Variants in SGCD observed in about 807,000 individuals in gnomAD.
The protein encoded by SGCD is delta-sarcoglycan.
In SGCD, 18 loss-of-function variants were observed where a neutral mutation model predicts 36.6. The observed-to-expected ratio is 0.49, with a 90% CI of 0.34 to 0.73. SGCD has a LOEUF of 0.73. SGCD is among the 30% of genes least tolerant of loss of function. The pLI is 0.01. For synonymous variants in SGCD, 133 were observed against 130.6 expected, an observed-to-expected ratio of 1.02 and a Z score of -0.12; for missense variants, 387 against 346.7, an observed-to-expected ratio of 1.12 and a Z score of -0.92.
At chr5:156,165,838 A>G (rs1000736449) in intron 3 of SGCD, among the ~76,000 whole-genome samples, 4 of 152,206 alleles carry the variant, frequency 2.6e-5, no homozygotes, top group Non-Finnish European at 4.4e-5. Flanking sequence ...AAATTTAGTG[A>G]TATATATTCT....
the SGCD span, among the ~76,000 whole-genome samples, chr5:155,773,327 C>T: frequency 2.0e-5 from 3 of 152,142 alleles, no homozygotes; most frequent in African/African-American, 7.2e-5. Context: ...GAGTAACCTG[C>T]ATTTTAGTTA....
At chr5:156,716,331 G>A (rs1002741758) in intron 7 of SGCD, among the ~76,000 whole-genome samples, 49 of 152,176 alleles carry the variant, frequency 3.2e-4, no homozygotes, top group African/African-American at 1.2e-3. Context: ...TTATGGATGA[G>A]GAACTGAGGC....
chr5:155,731,761 A>G, the SGCD span, among the ~76,000 whole-genome samples: 6 of 152,172 alleles, frequency 3.9e-5, no homozygotes, highest in African/African-American at 1.4e-4. Context: ...CTTCCGAGAA[A>G]TACAGACTAC....
Position 156,567,377 on chromosome 5 carries a change from A to AATAAATAGATAG in SGCD, c.295-21851_295-21850insAATAGATAGATA, listed in dbSNP as rs1292170277. ...GGAGGGAGGGAGGGATGGATAGATAAATAGATAGATAGATAGATAGATAGA... is the reference window on the plus strand; with the variant it reads ...GGAGGGAGGGAGGGATGGATAGATAAATAAATAGATAGATAGATAGATAGATAGATAGATAGA... On this transcript the variant is annotated intron_variant, in intron 4 of 8. Coordinates refer to ENST00000337851, the MANE Select transcript of SGCD (RefSeq NM_000337.6). 3.1e-3 allele frequency among the ~76,000 whole-genome samples: 407 copies of AATAAATAGATAG among 131,854 alleles called. 1 individual carries two copies. Among genetic ancestry groups the AATAAATAGATAG allele is most frequent in the Admixed American group, 4.1e-3 (51 of 12,342 alleles). The allele number at this position is 131,854 out of a possible 152,430, so 86.5% of individuals were successfully genotyped here. A position where few individuals can be genotyped will look rare whatever the true frequency, so the allele number is the denominator to read the frequency against.
At chr5:156,554,516 G>C (rs1041727368) in intron 4 of SGCD, among the ~76,000 whole-genome samples, 1 of 150,322 alleles carries the variant, frequency 6.7e-6, no homozygotes, top group Non-Finnish European at 1.5e-5. Context: ...AGGAAAAACT[G>C]TTTGTGTATA....
At chr5:155,886,483 T>TGC in intron 1 of SGCD, among the ~76,000 whole-genome samples, 1 of 151,150 alleles carries the variant, frequency 6.6e-6, no homozygotes, top group Non-Finnish European at 1.5e-5. Flanking sequence ...CAGAGGAATG[T>TGC]GTGTGTGTGT....
intron 3 of SGCD, among the ~76,000 whole-genome samples, chr5:156,224,282 G>T (rs1189128065): frequency 6.6e-6 from 1 of 151,970 alleles, no homozygotes; most frequent in East Asian, 1.9e-4. Context: ...TAAGAATTTG[G>T]CAGCCTACCT....
chr5:156,757,217 C>T (rs774013386), intron 7 of SGCD, among the ~76,000 whole-genome samples: 1 of 117,890 alleles, frequency 8.5e-6, no homozygotes, highest in Non-Finnish European at 1.6e-5. Flanking sequence ...AGGATACCTA[C>T]CAATTCCAGG....
intron 4 of SGCD, among the ~76,000 whole-genome samples, chr5:156,547,155 C>T (rs552975960): frequency 3.0e-4 from 46 of 152,326 alleles, no homozygotes; most frequent in Admixed American, 9.8e-4. Flanking sequence ...GAATAAGTTT[C>T]TCAGCCTCAG....
chr5:156,745,085 T>C (rs765804839), intron 7 of SGCD, among the ~76,000 whole-genome samples: 1 of 152,114 alleles, frequency 6.6e-6, no homozygotes, highest in Non-Finnish European at 1.5e-5. Flanking sequence ...TCCTGGGTTA[T>C]GGGAACAAAA....
chr5:156,172,346 G>A (rs779993300), intron 3 of SGCD, among the ~76,000 whole-genome samples: 9 of 152,162 alleles, frequency 5.9e-5, no homozygotes, highest in Admixed American at 1.3e-4. Context: ...TGATGATGAA[G>A]TCAGAATTTT....
At chr5:156,140,905 A>C (rs13189720) in intron 3 of SGCD, among the ~76,000 whole-genome samples, 3 of 152,182 alleles carry the variant, frequency 2.0e-5, no homozygotes, top group Non-Finnish European at 4.4e-5. Context: ...TGAGGCTGCC[A>C]CTTCCATCAC....
At chr5:156,738,592 T>G (rs1485311987) in intron 7 of SGCD, 1 of 152,228 alleles carries the variant, frequency 6.6e-6, no homozygotes, top group Non-Finnish European at 1.5e-5. Flanking sequence ...TTGAACATTT[T>G]GGATTAAAAT....
the SGCD span, among the ~76,000 whole-genome samples, chr5:155,798,716 A>G: frequency 1.3e-5 from 2 of 152,208 alleles, no homozygotes; most frequent in African/African-American, 4.8e-5. Context: ...AGCAGTGTCA[A>G]AGATGCTTTT....
At chr5:156,131,191 CTG>C (rs1411581839) in intron 3 of SGCD, among the ~76,000 whole-genome samples, 1 of 152,158 alleles carries the variant, frequency 6.6e-6, no homozygotes, top group East Asian at 1.9e-4. Context: ...GAGCCAGAAA[CTG>C]TGTAATATGC....
At chr5:156,713,035 C>T (rs968856475) in intron 7 of SGCD, among the ~76,000 whole-genome samples, 1 of 152,030 alleles carries the variant, frequency 6.6e-6, no homozygotes, top group Non-Finnish European at 1.5e-5. Flanking sequence ...TATATAAATA[C>T]AGGTTCAGCT....
intron 3 of SGCD, among the ~76,000 whole-genome samples, chr5:156,155,736 T>C (rs1015135428): frequency 6.6e-6 from 1 of 151,568 alleles, no homozygotes; most frequent in Non-Finnish European, 1.5e-5. Flanking sequence ...TAGCCCTCCG[T>C]CTTCACAAGA....
intron 4 of SGCD, among the ~76,000 whole-genome samples, chr5:156,546,880 A>C (rs1444486938): frequency 6.6e-6 from 1 of 152,216 alleles, no homozygotes; most frequent in African/African-American, 2.4e-5. Flanking sequence ...TAGAGGTAAA[A>C]TCAGGAGGAG....
At chr5:156,541,127 A>G (rs1312876384) in intron 4 of SGCD, among the ~76,000 whole-genome samples, 1 of 152,186 alleles carries the variant, frequency 6.6e-6, no homozygotes, top group Non-Finnish European at 1.5e-5. Flanking sequence ...TTCTAAAGCA[A>G]AGCACTTGCT....
Sources: allele counts gnomAD v4.1 joint callset (sites outside exome capture counted in the v4.1 genomes callset), GRCh38; gene constraint gnomAD v4.1.1; transcripts MANE v1.5; gene names NCBI Gene and HGNC (gene_info 2026-07-23, HGNC 2026-07-21).